Variants in ACIN1 observed in about 807,000 individuals in gnomAD.
ACIN1 encodes apoptotic chromatin condensation inducer in the nucleus.
Under a neutral mutation model 146.6 loss-of-function variants are expected in ACIN1, and 16 were observed. That is an observed-to-expected ratio of 0.11 (90% confidence interval 0.07 to 0.17). The LOEUF is 0.17. Ranked by LOEUF, ACIN1 falls within the 10% of genes least tolerant of loss-of-function variation. The probability of loss-of-function intolerance (pLI) is 1.00; values close to 1 mark genes in which losing one functional copy is unlikely to be tolerated. For missense variants in ACIN1, 1,357 were observed against 1,609.3 expected (o/e 0.84, Z 2.68); for synonymous variants, 569 against 582.7 (o/e 0.98, Z 0.34).
chr14:23,088,461 T>C (rs2048142491), intron 4 of ACIN1, among the ~76,000 whole-genome samples: 1 of 152,236 alleles, frequency 6.6e-6, no homozygotes, highest in Non-Finnish European at 1.5e-5. Flanking sequence ...CTATTTTCTC[T>C]AGCCTTTTGG....
At chr14:23,069,400 G>C in intron 9 of ACIN1, 76 bp downstream of exon 9, 8 of 1,550,196 alleles carry the variant, frequency 5.2e-6, no homozygotes, top group Middle Eastern at 2.0e-4. Flanking sequence ...GTGTAAGAGG[G>C]ATCACTAGAG....
At chr14:23,071,226 C>T in intron 8 of ACIN1, 1 of 1,515,454 alleles carries the variant, frequency 6.6e-7, no homozygotes. Context: ...CAAAAAAAAT[C>T]CTAAAAAAAA....
intron 4 of ACIN1, among the ~76,000 whole-genome samples, chr14:23,083,661 G>A (rs914468456): frequency 6.6e-6 from 1 of 152,084 alleles, no homozygotes; most frequent in Non-Finnish European, 1.5e-5. Context: ...CCTGGGAGGC[G>A]GAGCTTGCAG....
intron 1 of ACIN1, 38 bp downstream of exon 1, chr14:23,094,937 C>G (rs1381661326): frequency 1.3e-6 from 2 of 1,549,666 alleles, no homozygotes; most frequent in Admixed American, 1.8e-5. Context: ...CTACCGGGTC[C>G]GCTCTCCTCC....
At chr14:23,079,063 A>G (rs775163987) in intron 6 of ACIN1, 25 bp from the exon 7 acceptor site, 1 of 1,600,608 alleles carries the variant, frequency 6.2e-7, no homozygotes, top group Non-Finnish European at 8.5e-7. Context: ...AACACATAAC[A>G]AGGAAAATTA....
At chr14:23,085,419 CCT>C (rs1387437973) in intron 4 of ACIN1, among the ~76,000 whole-genome samples, 2 of 152,124 alleles carry the variant, frequency 1.3e-5, no homozygotes, top group Non-Finnish European at 1.5e-5. Flanking sequence ...AGCAAAACAG[CCT>C]CTTTATCTAC....
rs777808232 is a variant in ACIN1 at position 23,090,639 on chromosome 14, T to C, written c.205-6A>G. On this transcript the variant is annotated splice_polypyrimidine_tract_variant and splice_region_variant and intron_variant, in intron 2 of 18. Coordinates refer to ENST00000605057, the MANE Select transcript of ACIN1 (RefSeq NM_001386863.1). The stretch of plus-strand genomic sequence containing the variant: ...TGGCTCATTTCCTCACCAATCTGTG[T>C]AGAGGAAATGAAAACAGAGGGTCTA... The C allele has an allele frequency of 3.7e-6, 6 of 1,606,530 alleles. No homozygotes were observed. The East Asian group carries it at 8.9e-5, about 24-fold the overall frequency.
Position 23,059,191 on chromosome 14 carries a change from C to T in ACIN1, c.3809G>A (p.Arg1270Gln), listed in dbSNP as rs2047187069. 1.9e-6 allele frequency: 3 copies of T among 1,614,028 alleles called. No individual in the cohort carries two copies. Among genetic ancestry groups the T allele is most frequent in the Non-Finnish European group, 2.5e-6 (3 of 1,180,004 alleles). ...GTCCCGCACAGGTGTGCTCCGACTC[C>T]GGCTTCTGCTGTGGCGCTTGGTGTC... ...RRDTKRHSRS[R>Q]SRSTPVRDRG... Residue 1270 changes from arginine to glutamine, a missense_variant, in exon 19 of 19, where the codon CGG becomes CAG. Coordinates refer to ENST00000605057, the MANE Select transcript of ACIN1 (RefSeq NM_001386863.1).
intron 6 of ACIN1, 47 bp downstream of exon 6, chr14:23,079,500 T>C: frequency 6.3e-7 from 1 of 1,587,990 alleles, no homozygotes; most frequent in Non-Finnish European, 8.6e-7. Flanking sequence ...TGAAAACCAC[T>C]GGAATATGAC....
Position 23,064,088 on chromosome 14 carries a change from G to C in ACIN1, c.2595+17C>G, listed in dbSNP as rs1338831061. On this transcript the variant is annotated intron_variant, in intron 12 of 18. Coordinates refer to ENST00000605057, the MANE Select transcript of ACIN1 (RefSeq NM_001386863.1). ...TGCTCCCACCTTTCCCCTGACACTG[G>C]GGTGCAGAAGCCTTACCTGAGTGAC... is the stretch of plus-strand genomic sequence containing the variant. 3.1e-6 allele frequency: 5 copies of C among 1,613,548 alleles called. No homozygotes were observed. The highest frequency in any genetic ancestry group is 1.1e-5 in the South Asian group (1 of 91,068).
In ACIN1 at chr14:23,068,110, T is replaced by G; in HGVS notation, c.2265+1366A>C. On this transcript the variant is annotated intron_variant, in intron 9 of 18. Transcript: ENST00000605057. The surrounding 1 kb of genome is among the most constrained non-coding windows in gnomAD (Gnocchi z 4.3). ...CATCTGATGAGCAAGTGGTGACACA[T>G]GGGCTGGGCTGTCATCAGCATTAAA... 1.0e-6 allele frequency: 1 copy of G among 985,802 alleles called. No homozygotes were observed. Among genetic ancestry groups the G allele is most frequent in the East Asian group, 1.1e-4 (1 of 8,792 alleles). The allele number at this position is 985,802 out of a possible 1,614,324, so 61.1% of individuals were successfully genotyped here. A position where few individuals can be genotyped will look rare whatever the true frequency, so the allele number is the denominator to read the frequency against.
chr14:23,066,877 T>C (rs959329150), intron 9 of ACIN1, among the ~76,000 whole-genome samples: 1 of 151,138 alleles, frequency 6.6e-6, no homozygotes, highest in Admixed American at 6.6e-5. Flanking sequence ...CGAAAGACTA[T>C]GGGGGGCGGG....
chr14:23,071,637 G>C, intron 8 of ACIN1: 1,481 of 1,160,468 alleles, frequency 1.3e-3, no homozygotes, highest in Non-Finnish European at 1.6e-3. Flanking sequence ...AAGAGGGAGG[G>C]AGCTGAGTGA....
chr14:23,079,440 G>A (rs2140146869), intron 6 of ACIN1, 107 bp downstream of exon 6: 1 of 1,504,372 alleles, frequency 6.6e-7, no homozygotes, highest in East Asian at 2.3e-5. Flanking sequence ...AGTAAAGGAG[G>A]CTTTTCCTAT....
chr14:23,083,245 C>A (rs2047996785), intron 4 of ACIN1, among the ~76,000 whole-genome samples: 1 of 152,008 alleles, frequency 6.6e-6, no homozygotes, highest in Admixed American at 6.5e-5. Flanking sequence ...TACTCTGTCA[C>A]CCAGGCTGGA....
intron 4 of ACIN1, among the ~76,000 whole-genome samples, chr14:23,084,415 G>A (rs1247161625): frequency 6.6e-6 from 1 of 151,974 alleles, no homozygotes; most frequent in Non-Finnish European, 1.5e-5. Flanking sequence ...GATTAGCCTG[G>A]CCAATTAGGT....
At chr14:23,070,823 A>AG (rs957892978) in intron 8 of ACIN1, among the ~76,000 whole-genome samples, 10 of 152,128 alleles carry the variant, frequency 6.6e-5, no homozygotes, top group Non-Finnish European at 1.5e-4. Flanking sequence ...GGGATGCACT[A>AG]GGGGGGTTAG....
At chr14:23,066,133 GAC>G in intron 9 of ACIN1, 125 bp from the exon 10 acceptor site, 2 of 687,182 alleles carry the variant, frequency 2.9e-6, no homozygotes, top group Non-Finnish European at 4.9e-6. Context: ...GAGAGAGAGA[GAC>G]AGAGAGAGAC....
At position 23,062,960 on chromosome 14, in the gene ACIN1, T is replaced by G; in HGVS notation, c.2852A>C (p.Lys951Thr). 1.2e-6 allele frequency: 2 copies of G among 1,610,988 alleles called. No homozygotes were observed. The highest frequency in any genetic ancestry group is 1.7e-6 in the Non-Finnish European group (2 of 1,179,138). ...GGAGATATGGACAATGTTGCTAATC[T>G]TGCCCCGGGGTGGGGAGGGCACCTG... is the stretch of plus-strand genomic sequence containing the variant. ...TAQVPSPPRG[K>T]ISNIVHISNL... Residue 951 changes from lysine to threonine, a missense_variant, in exon 14 of 19, where the codon AAG becomes ACG. Lys to Thr is a moderately conservative substitution (Grantham distance 78). Transcript: ENST00000605057.
Sources: gnomAD v4.1 joint callset for allele counts (sites outside exome capture counted in the v4.1 genomes callset) on GRCh38, gnomAD v4.1.1 for gene constraint, Gnocchi (gnomAD v3.1) non-coding constraint, MANE v1.5 for transcripts, NCBI Gene and HGNC (gene_info 2026-07-23, HGNC 2026-07-21) for gene names.